Variants in TENM2 observed in about 807,000 individuals in gnomAD.
TENM2 encodes teneurin transmembrane protein 2.
A neutral mutation model predicts 245.2 loss-of-function variants in TENM2; 52 were observed. The ratio of observed to expected loss-of-function variants is 0.21; its 90% confidence interval spans 0.17 to 0.27. The LOEUF (loss-of-function observed/expected upper bound fraction) is 0.27, where lower values mean the gene tolerates loss of function less well. Among genes scored for constraint, TENM2 ranks in the 10% least tolerant of loss-of-function variants. The pLI is 1.00. For missense variants in TENM2, 3,046 were observed against 3,666.8 expected (o/e 0.83, Z 4.37); for synonymous variants, 1,363 against 1,438.9 (o/e 0.95, Z 1.19).
At position 167,642,904 on chromosome 5, in the gene TENM2, C is replaced by T. The variant is rs140939676; in HGVS notation, c.503-233082C>T. On this transcript the variant is annotated intron_variant, in intron 2 of 28. Transcript: ENST00000518659. ...GTGCAGGGATCATGTCTTCTTTGGA[C>T]GAGGGTGTTGGAAATTGCCCCTACA... Among the ~76,000 whole-genome samples, 271 of 152,242 alleles carry T rather than the reference C, an allele frequency of 1.8e-3. 1 individual carries two copies. Among genetic ancestry groups the T allele is most frequent in the African/African-American group, 6.0e-3 (249 of 41,556 alleles).
intron 3 of TENM2, among the ~76,000 whole-genome samples, chr5:167,904,586 C>T (rs1466945088): frequency 3.9e-5 from 6 of 152,116 alleles, no homozygotes; most frequent in Non-Finnish European, 5.9e-5. Context: ...TGCCCAGCCC[C>T]GCCCCACACA....
chr5:167,740,323 G>A (rs570348639), intron 2 of TENM2, among the ~76,000 whole-genome samples: 5 of 152,276 alleles, frequency 3.3e-5, no homozygotes, highest in East Asian at 3.9e-4. Context: ...ATTCAGAGCC[G>A]TTTGCATTTC....
At chr5:167,991,591 C>T (rs930593643) in intron 4 of TENM2, among the ~76,000 whole-genome samples, 8 of 152,152 alleles carry the variant, frequency 5.3e-5, no homozygotes, top group Non-Finnish European at 1.2e-4. Flanking sequence ...GACAGACTCC[C>T]GACCCTGAGG....
At chr5:168,082,545 C>G (rs573700052) in intron 7 of TENM2, among the ~76,000 whole-genome samples, 154 of 152,330 alleles carry the variant, frequency 1.0e-3, no homozygotes, top group Middle Eastern at 6.8e-3. Flanking sequence ...CTTTTCTGTT[C>G]TGGTTTCTCC....
intron 2 of TENM2, among the ~76,000 whole-genome samples, chr5:167,494,793 T>A (rs1768696816): frequency 6.6e-6 from 1 of 152,156 alleles, no homozygotes; most frequent in Non-Finnish European, 1.5e-5. Context: ...TAGTCTGTTA[T>A]GAGCAAGACT....
At chr5:168,028,625 T>G (rs1335741799) in intron 5 of TENM2, among the ~76,000 whole-genome samples, 1 of 152,174 alleles carries the variant, frequency 6.6e-6, no homozygotes, top group African/African-American at 2.4e-5. Flanking sequence ...GCTTTTAATA[T>G]AATATATCCC....
At chr5:167,482,571 C>T (rs1715232593) in intron 2 of TENM2, among the ~76,000 whole-genome samples, 2 of 152,098 alleles carry the variant, frequency 1.3e-5, no homozygotes, top group Admixed American at 6.6e-5. Context: ...GGATAACACG[C>T]CCTAATTTTT....
the TENM2 span, among the ~76,000 whole-genome samples, chr5:167,002,925 G>A: frequency 1.3e-5 from 2 of 151,836 alleles, no homozygotes; most frequent in African/African-American, 4.8e-5. Flanking sequence ...TCCTTTACAT[G>A]AGAAATAATT....
chr5:167,728,485 C>T (rs1582856118), intron 2 of TENM2, among the ~76,000 whole-genome samples: 1 of 131,348 alleles, frequency 7.6e-6, no homozygotes, highest in Middle Eastern at 3.6e-3. Context: ...TGGTGCGTGC[C>T]TATGGTCCCA....
intron 5 of TENM2, among the ~76,000 whole-genome samples, chr5:168,018,111 G>C (rs1195987424): frequency 6.6e-6 from 1 of 152,050 alleles, no homozygotes; most frequent in Non-Finnish European, 1.5e-5. Flanking sequence ...GTTGGTTGTG[G>C]GGTTCATAGG....
the TENM2 span, among the ~76,000 whole-genome samples, chr5:167,246,808 T>C: frequency 9.8e-4 from 149 of 151,960 alleles, no homozygotes; most frequent in African/African-American, 3.4e-3. Flanking sequence ...TGGAGGGCAC[T>C]TTTGGGTAGG....
the TENM2 span, among the ~76,000 whole-genome samples, chr5:167,082,441 G>A: frequency 6.6e-6 from 1 of 151,960 alleles, no homozygotes; most frequent in Non-Finnish European, 1.5e-5. Context: ...CTGCCACCAG[G>A]CTCAGCTAAT....
intron 2 of TENM2, among the ~76,000 whole-genome samples, chr5:167,709,809 G>C (rs113475522): frequency 5.3e-5 from 8 of 152,302 alleles, no homozygotes; most frequent in African/African-American, 1.9e-4. Context: ...AAAAGCGAGA[G>C]TGAGAGTGAG....
intron 2 of TENM2, among the ~76,000 whole-genome samples, chr5:167,520,995 G>A (rs1299062514): frequency 2.9e-5 from 4 of 140,068 alleles, no homozygotes; most frequent in Admixed American, 1.5e-4. Context: ...ATCAGGGCTC[G>A]TTCCTAATTA....
intron 2 of TENM2, among the ~76,000 whole-genome samples, chr5:167,517,259 G>C (rs1046196203): frequency 6.6e-6 from 1 of 152,154 alleles, no homozygotes; most frequent in Non-Finnish European, 1.5e-5. Flanking sequence ...GAAGCTTAAT[G>C]TCACTGTTAA....
chr5:168,149,562 A>C (rs972320453), intron 12 of TENM2: 4 of 448,970 alleles, frequency 8.9e-6, no homozygotes, highest in Admixed American at 4.7e-5. Flanking sequence ...GTCACAGAGC[A>C]GGACAAATTT....
At chr5:167,167,196 G>A in the TENM2 span, among the ~76,000 whole-genome samples, 1 of 152,186 alleles carries the variant, frequency 6.6e-6, no homozygotes, top group South Asian at 2.1e-4. Flanking sequence ...AGTCCCGTCT[G>A]TAAATTCTGA....
chr5:167,132,911 A>T, the TENM2 span, among the ~76,000 whole-genome samples: 3,088 of 152,308 alleles, frequency 0.02, 100 homozygotes, highest in African/African-American at 0.069. Context: ...GCCTAGGGTA[A>T]CTTCAGTGGA....
At chr5:167,722,405 T>C (rs996867855) in intron 2 of TENM2, among the ~76,000 whole-genome samples, 2 of 152,142 alleles carry the variant, frequency 1.3e-5, no homozygotes, top group Non-Finnish European at 2.9e-5. Flanking sequence ...GATAAATAGA[T>C]AGATGGATAC....
Sources: gnomAD v4.1 joint callset for allele counts (sites outside exome capture counted in the v4.1 genomes callset) on GRCh38, gnomAD v4.1.1 for gene constraint, MANE v1.5 for transcripts, NCBI Gene and HGNC (gene_info 2026-07-23, HGNC 2026-07-21) for gene names.